KITLG: variants seen among roughly 807,000 people sequenced by gnomAD.
KITLG encodes KIT ligand, also known as c-Kit ligand.
In KITLG, 13 loss-of-function variants were observed where a neutral mutation model predicts 34.1. That is an observed-to-expected ratio of 0.38 (90% CI 0.25 to 0.61). KITLG has a LOEUF of 0.61. Among genes scored for constraint, KITLG ranks in the 20% least tolerant of loss-of-function variants. The probability of loss-of-function intolerance (pLI) is 0.60; values close to 1 mark genes in which losing one functional copy is unlikely to be tolerated. For missense variants in KITLG, 292 were observed against 318.9 expected (o/e 0.92, Z 0.64); for synonymous variants, 110 against 104.0 (o/e 1.06, Z -0.35).
At chr12:88,546,160 ACT>A in intron 1 of KITLG, 1 of 453,110 alleles carries the variant, frequency 2.2e-6, no homozygotes, top group South Asian at 1.9e-5. Context: ...CATGTTAAAG[ACT>A]TAGCCCTTAG....
rs139566862 is a variant in KITLG at position 88,521,313 on chromosome 12, T to C, written c.193-2446A>G. Among the ~76,000 whole-genome samples, 16 of 152,284 alleles carry C rather than the reference T, an allele frequency of 1.1e-4. No individual in the cohort carries two copies. The East Asian group carries it at 2.5e-3, about 24-fold the overall frequency. ...ACTGGAATGTCTAGCAGTTTTGTAA[T>C]TTTTAATTAAATATCGTCAATGATT... On this transcript the variant is annotated intron_variant, in intron 3 of 9. Coordinates refer to ENST00000644744, the MANE Select transcript of KITLG (RefSeq NM_000899.5).
At chr12:88,568,812 A>G (rs1357802316) in intron 1 of KITLG, among the ~76,000 whole-genome samples, 1 of 152,204 alleles carries the variant, frequency 6.6e-6, no homozygotes, top group African/African-American at 2.4e-5. Flanking sequence ...GGTTTTTAAA[A>G]AAAAGAAGGG....
intron 1 of KITLG, among the ~76,000 whole-genome samples, chr12:88,571,100 GT>G (rs1263435428): frequency 6.6e-6 from 1 of 152,106 alleles, no homozygotes; most frequent in African/African-American, 2.4e-5. Flanking sequence ...CTAAGGATTG[GT>G]TTTAATTTTT....
At chr12:88,571,613 T>C (rs1871654111) in intron 1 of KITLG, among the ~76,000 whole-genome samples, 1 of 152,194 alleles carries the variant, frequency 6.6e-6, no homozygotes, top group African/African-American at 2.4e-5. Flanking sequence ...ATAAAAAATG[T>C]ATCAGTATCT....
At chr12:88,547,946 A>G (rs1345098201) in intron 1 of KITLG, among the ~76,000 whole-genome samples, 1 of 152,232 alleles carries the variant, frequency 6.6e-6, no homozygotes, top group East Asian at 1.9e-4. Flanking sequence ...ATCAACAAAC[A>G]TAAGTAACTA....
chr12:88,533,095 G>T (rs570182630), intron 2 of KITLG, among the ~76,000 whole-genome samples: 29 of 152,146 alleles, frequency 1.9e-4, no homozygotes, highest in Non-Finnish European at 3.5e-4. Flanking sequence ...AGATGCAAAT[G>T]CTTTATAAGA....
intron 2 of KITLG, among the ~76,000 whole-genome samples, chr12:88,533,073 A>G (rs952820805): frequency 6.6e-6 from 1 of 152,186 alleles, no homozygotes; most frequent in African/African-American, 2.4e-5. Flanking sequence ...CAAAAAAACA[A>G]TGCTACTTAT....
intron 6 of KITLG, among the ~76,000 whole-genome samples, chr12:88,511,512 T>C (rs1301543895): frequency 6.6e-6 from 1 of 152,132 alleles, no homozygotes; most frequent in African/African-American, 2.4e-5. Context: ...CCGATGCAGC[T>C]GGAGTTTCTA....
chr12:88,516,564 A>G, intron 4 of KITLG, 74 bp from the exon 5 acceptor site: 3 of 941,096 alleles, frequency 3.2e-6, no homozygotes, highest in East Asian at 5.0e-5. Flanking sequence ...TGGACTATAA[A>G]TATGTCTCTC....
chr12:88,520,049 C>T (rs1049844645), intron 3 of KITLG, among the ~76,000 whole-genome samples: 1 of 152,168 alleles, frequency 6.6e-6, no homozygotes, highest in Non-Finnish European at 1.5e-5. Context: ...AGCCCCAATT[C>T]CTGGAACCAT....
intron 6 of KITLG, among the ~76,000 whole-genome samples, chr12:88,512,476 A>T (rs1490818816): frequency 1.3e-5 from 2 of 152,062 alleles, no homozygotes; most frequent in African/African-American, 2.4e-5. Context: ...GGATTAAAAA[A>T]TTTGAAAAAT....
intron 6 of KITLG, among the ~76,000 whole-genome samples, chr12:88,509,306 T>G (rs1479600420): frequency 6.6e-6 from 1 of 152,082 alleles, no homozygotes; most frequent in Non-Finnish European, 1.5e-5. Flanking sequence ...AGTCTTGAAA[T>G]TCACCACTCA....
chr12:88,531,243 A>G (rs1870075047), intron 3 of KITLG, among the ~76,000 whole-genome samples: 1 of 152,182 alleles, frequency 6.6e-6, no homozygotes, highest in Admixed American at 6.5e-5. Flanking sequence ...GCTCTACATA[A>G]CACTAGTGAA....
intron 2 of KITLG, among the ~76,000 whole-genome samples, chr12:88,544,331 G>C (rs953885976): frequency 6.6e-6 from 1 of 151,884 alleles, no homozygotes; most frequent in South Asian, 2.1e-4. Flanking sequence ...GGCTAGAAGG[G>C]GTCAAGTGCC....
In KITLG at chr12:88,512,940, A is replaced by G. The variant is rs1869329303; in HGVS notation, c.604+2594T>C. Among the ~76,000 whole-genome samples, 3 of 151,908 alleles carry G rather than the reference A, an allele frequency of 2.0e-5. No homozygotes were observed. The South Asian group carries it at 6.2e-4, about 31-fold the overall frequency. Reference sequence around the variant, plus strand: ...AAATTAATACCAAATGGAAACCTGGACTGACAAGAGGGAATGAAGGGTACA... The same window carrying G: ...AAATTAATACCAAATGGAAACCTGGGCTGACAAGAGGGAATGAAGGGTACA... On this transcript the variant is annotated intron_variant, in intron 6 of 9. Coordinates refer to ENST00000644744, the MANE Select transcript of KITLG (RefSeq NM_000899.5).
At chr12:88,563,978 A>G (rs971413458) in intron 1 of KITLG, among the ~76,000 whole-genome samples, 4 of 151,982 alleles carry the variant, frequency 2.6e-5, no homozygotes, top group Admixed American at 6.6e-5. Context: ...AAAAGAAAAG[A>G]AAAAAGGATG....
Position 88,537,658 on chromosome 12 carries a change from C to T in KITLG, c.130-5155G>A, listed in dbSNP as rs1052991367. ...AAAGTATATTAAAAAGAAAAAACCA[C>T]AAATATTCTAAAATCTGAAAAAAAA... is the stretch of plus-strand genomic sequence containing the variant. On this transcript the variant is annotated intron_variant, in intron 2 of 9. Transcript: ENST00000644744. Among the ~76,000 whole-genome samples, 23 of 151,644 alleles carry T rather than the reference C, an allele frequency of 1.5e-4. 1 individual carries two copies. The highest frequency in any genetic ancestry group is 6.8e-3 in the Middle Eastern group (2 of 292).
intron 1 of KITLG, among the ~76,000 whole-genome samples, chr12:88,579,300 TG>T (rs763738500): frequency 6.6e-6 from 1 of 152,056 alleles, no homozygotes; most frequent in Non-Finnish European, 1.5e-5. Flanking sequence ...ACAGAACCTC[TG>T]GGGGGTGAAA....
At chr12:88,508,502 A>T (rs1321815841) in intron 6 of KITLG, among the ~76,000 whole-genome samples, 3 of 152,052 alleles carry the variant, frequency 2.0e-5, no homozygotes, top group Non-Finnish European at 4.4e-5. Context: ...CTCATCCTAT[A>T]AATGGTATGT....
Sources: gnomAD v4.1 joint callset for allele counts (sites outside exome capture counted in the v4.1 genomes callset) on GRCh38, gnomAD v4.1.1 for gene constraint, MANE v1.5 for transcripts, NCBI Gene and HGNC (gene_info 2026-07-23, HGNC 2026-07-21) for gene names.